CNTN5: variants seen among roughly 807,000 people sequenced by gnomAD.
CNTN5 encodes contactin-5.
Under a neutral mutation model 129.1 loss-of-function variants are expected in CNTN5, and 77 were observed. That is an observed-to-expected ratio of 0.60 (90% CI 0.50 to 0.72). CNTN5 has a LOEUF of 0.72. Ranked by LOEUF, CNTN5 falls within the 30% of genes least tolerant of loss-of-function variation. CNTN5 has a pLI of 0.00. For missense variants in CNTN5, 1,478 were observed against 1,328.8 expected (o/e 1.11, Z -1.75); for synonymous variants, 509 against 465.6 (o/e 1.09, Z -1.20).
chr11:99,717,570 TAATTAAACAGGTGTTCCG>T (rs1290526923), intron 3 of CNTN5, among the ~76,000 whole-genome samples: 1 of 152,084 alleles, frequency 6.6e-6, no homozygotes, highest in Admixed American at 6.6e-5. Flanking sequence ...TTAAATTTTT[TAATTAAACAGGTGTTCCG>T]AATCAAGCAT....
At chr11:99,991,914 A>G (rs1207699383) in intron 8 of CNTN5, among the ~76,000 whole-genome samples, 1 of 152,204 alleles carries the variant, frequency 6.6e-6, no homozygotes, top group Non-Finnish European at 1.5e-5. Context: ...TGTCCATACC[A>G]AGTTAATAAC....
chr11:99,758,400 T>C (rs1448005461), intron 3 of CNTN5, among the ~76,000 whole-genome samples: 1 of 152,076 alleles, frequency 6.6e-6, no homozygotes, highest in African/African-American at 2.4e-5. Context: ...ACGTATAACA[T>C]ATAAAGCATT....
At chr11:100,142,060 T>C (rs781470717) in intron 13 of CNTN5, among the ~76,000 whole-genome samples, 2 of 152,144 alleles carry the variant, frequency 1.3e-5, no homozygotes, top group African/African-American at 4.8e-5. Context: ...TCTCTTGCCC[T>C]TGGACATCAG....
intron 2 of CNTN5, among the ~76,000 whole-genome samples, chr11:99,335,375 G>C (rs1866176862): frequency 6.6e-6 from 1 of 151,904 alleles, no homozygotes; most frequent in South Asian, 2.1e-4. Flanking sequence ...TTACCTATAT[G>C]GTGCCCATGC....
At chr11:99,921,839 A>G (rs532125035) in intron 7 of CNTN5, among the ~76,000 whole-genome samples, 1 of 152,314 alleles carries the variant, frequency 6.6e-6, no homozygotes, top group East Asian at 1.9e-4. Context: ...AAAGTCATAA[A>G]TAAGAATAGG....
intron 3 of CNTN5, among the ~76,000 whole-genome samples, chr11:99,587,016 G>A (rs1949814920): frequency 6.6e-6 from 1 of 152,144 alleles, no homozygotes. Flanking sequence ...AGTTAAATCA[G>A]AATTCAGTTA....
intron 1 of CNTN5, among the ~76,000 whole-genome samples, chr11:99,033,697 A>G (rs1341138729): frequency 6.6e-6 from 1 of 151,210 alleles, no homozygotes; most frequent in Non-Finnish European, 1.5e-5. Flanking sequence ...CTAGATATAC[A>G]ATCATGTCAT....
At chr11:99,037,531 C>T (rs1339242214) in intron 1 of CNTN5, among the ~76,000 whole-genome samples, 1 of 150,930 alleles carries the variant, frequency 6.6e-6, no homozygotes, top group Non-Finnish European at 1.5e-5. Flanking sequence ...TCATTTTCTG[C>T]CAAAATTAAT....
At chr11:99,408,462 GAAAGAAAGAAAGAAAGAA>G in intron 2 of CNTN5, among the ~76,000 whole-genome samples, 1 of 131,532 alleles carries the variant, frequency 7.6e-6, no homozygotes, top group African/African-American at 2.8e-5. Context: ...AAGAAAGAAA[GAAAGAAAGAAAGAAAGAA>G]AGAAAGAAAG....
At chr11:100,141,678 T>C (rs1946700737) in intron 13 of CNTN5, among the ~76,000 whole-genome samples, 2 of 152,162 alleles carry the variant, frequency 1.3e-5, no homozygotes, top group Admixed American at 1.3e-4. Context: ...ACATTTGTTA[T>C]AGAAATGAAT....
At chr11:99,209,141 A>G (rs1859636273) in intron 1 of CNTN5, among the ~76,000 whole-genome samples, 1 of 151,756 alleles carries the variant, frequency 6.6e-6, no homozygotes. Flanking sequence ...AAATATCAAA[A>G]CTTTCCATCT....
Position 99,095,047 on chromosome 11 carries a change from T to C in CNTN5, c.-210+73777T>C, listed in dbSNP as rs577598160. 1.4e-3 allele frequency among the ~76,000 whole-genome samples: 210 copies of C among 152,020 alleles called. 1 individual carries two copies. The highest frequency in any genetic ancestry group is 4.7e-3 in the African/African-American group (197 of 41,506). On this transcript the variant is annotated intron_variant, in intron 1 of 24. Transcript: ENST00000524871. ...GTGCAGAACATGCAGGTTTGTTACA[T>C]AGGTATACACGTGCCATGGTGGCTT...
At chr11:99,840,086 C>A (rs1947434971) in intron 4 of CNTN5, among the ~76,000 whole-genome samples, 1 of 151,992 alleles carries the variant, frequency 6.6e-6, no homozygotes, top group Non-Finnish European at 1.5e-5. Context: ...GGTGTCCATG[C>A]ATAAAATCTG....
chr11:99,868,124 G>T (rs532634125), intron 6 of CNTN5, among the ~76,000 whole-genome samples: 8 of 152,054 alleles, frequency 5.3e-5, no homozygotes, highest in African/African-American at 1.9e-4. Context: ...GATGAGGCAG[G>T]AGAATCACTT....
At chr11:99,812,645 A>G (rs1171739045) in intron 3 of CNTN5, among the ~76,000 whole-genome samples, 2 of 152,146 alleles carry the variant, frequency 1.3e-5, no homozygotes, top group Non-Finnish European at 2.9e-5. Flanking sequence ...GCACAGAGAT[A>G]TTACGATGTG....
At chr11:100,025,233 G>A (rs1220393744) in intron 9 of CNTN5, among the ~76,000 whole-genome samples, 1 of 152,194 alleles carries the variant, frequency 6.6e-6, no homozygotes, top group Non-Finnish European at 1.5e-5. Context: ...TGTTTCAGAG[G>A]GTGCAAACCC....
At chr11:99,798,480 G>A (rs761741571) in intron 3 of CNTN5, among the ~76,000 whole-genome samples, 21 of 152,068 alleles carry the variant, frequency 1.4e-4, no homozygotes, top group South Asian at 4.1e-4. Context: ...ATTCTTCTGC[G>A]TACAGTTAGA....
intron 3 of CNTN5, among the ~76,000 whole-genome samples, chr11:99,788,973 T>C (rs1197388728): frequency 6.6e-6 from 1 of 151,902 alleles, no homozygotes; most frequent in Non-Finnish European, 1.5e-5. Flanking sequence ...AGTAGCTTAA[T>C]ATTTTATTTC....
At chr11:99,480,813 C>A (rs1945567585) in intron 2 of CNTN5, among the ~76,000 whole-genome samples, 1 of 152,050 alleles carries the variant, frequency 6.6e-6, no homozygotes, top group African/African-American at 2.4e-5. Flanking sequence ...CTGTGGCTTA[C>A]CTAACTAATG....
Sources: gnomAD v4.1 joint callset for allele counts (sites outside exome capture counted in the v4.1 genomes callset) on GRCh38, gnomAD v4.1.1 for gene constraint, MANE v1.5 for transcripts, NCBI Gene and HGNC (gene_info 2026-07-23, HGNC 2026-07-21) for gene names.